The following PEAK1 variants were observed in gnomAD, a reference collection of about 807,000 sequenced individuals.
The protein encoded by PEAK1 is pseudopodium enriched atypical kinase 1.
A neutral mutation model predicts 124.7 loss-of-function variants in PEAK1; 54 were observed. The observed-to-expected ratio is 0.43, with a 90% CI of 0.35 to 0.54. The LOEUF is 0.54. PEAK1 is among the 20% of genes least tolerant of loss of function. The probability of loss-of-function intolerance (pLI) is 0.01; values close to 1 mark genes in which losing one functional copy is unlikely to be tolerated. For missense variants in PEAK1, 2,046 were observed against 2,134.5 expected, an observed-to-expected ratio of 0.96 and a Z score of 0.82; for synonymous variants, 719 against 760.0, an observed-to-expected ratio of 0.95 and a Z score of 0.89.
At chr15:77,327,665 T>G (rs544198645) in intron 2 of PEAK1, among the ~76,000 whole-genome samples, 8 of 152,180 alleles carry the variant, frequency 5.3e-5, no homozygotes, top group Middle Eastern at 6.8e-3. Flanking sequence ...TGTTGTTGTT[T>G]TTTTAACGTG....
chr15:77,320,847 C>T (rs920025058), intron 2 of PEAK1, among the ~76,000 whole-genome samples: 1 of 151,626 alleles, frequency 6.6e-6, no homozygotes, highest in Non-Finnish European at 1.5e-5. Context: ...GTGTGATGTC[C>T]CCCTTCCTGT....
At position 77,298,197 on chromosome 15, in the gene PEAK1, A is replaced by ATTTTTTTTTTTTTTTTTTTTTTTTTT. The variant is rs749000554; in HGVS notation, c.-602-11719_-602-11694dup. ...TAGCTTCTTTTGTTTGGTATCCTTA[A>ATTTTTTTTTTTTTTTTTTTTTTTTTT]TTTTTTTTTTTTTTTTTTTTTTTTT... On this transcript the variant is annotated intron_variant, in intron 2 of 9. Coordinates refer to ENST00000682557, the MANE Select transcript of PEAK1 (RefSeq NM_001385026.1). 3.2e-4 allele frequency among the ~76,000 whole-genome samples: 12 copies of ATTTTTTTTTTTTTTTTTTTTTTTTTT among 37,822 alleles called. 4 individuals are homozygous for ATTTTTTTTTTTTTTTTTTTTTTTTTT. Among genetic ancestry groups the ATTTTTTTTTTTTTTTTTTTTTTTTTT allele is most frequent in the African/African-American group, 8.1e-4 (6 of 7,414 alleles). The allele number at this position is 37,822 out of a possible 152,430, so 24.8% of individuals were successfully genotyped here.
intron 2 of PEAK1, among the ~76,000 whole-genome samples, chr15:77,293,069 A>G (rs1382773710): frequency 6.6e-6 from 1 of 152,184 alleles, no homozygotes; most frequent in African/African-American, 2.4e-5. Context: ...AAGTCATTCT[A>G]TGACTATCTC....
At chr15:77,226,098 A>G (rs936717179) in intron 6 of PEAK1, among the ~76,000 whole-genome samples, 1 of 132,894 alleles carries the variant, frequency 7.5e-6, no homozygotes, top group Non-Finnish European at 1.7e-5. Context: ...TTACACACAC[A>G]TACACACATA....
intron 8 of PEAK1, among the ~76,000 whole-genome samples, chr15:77,153,695 C>T (rs1259643341): frequency 4.6e-5 from 7 of 152,132 alleles, no homozygotes; most frequent in African/African-American, 1.7e-4. Context: ...TCTTTGTTCT[C>T]ATTGGTTTCA....
chr15:77,227,425 A>AT (rs1195511102), intron 6 of PEAK1, among the ~76,000 whole-genome samples: 3 of 152,148 alleles, frequency 2.0e-5, no homozygotes, highest in East Asian at 3.8e-4. Flanking sequence ...AACAACATAC[A>AT]GACAGGAAAA....
chr15:77,139,555 G>A (rs2053605930), intron 8 of PEAK1, among the ~76,000 whole-genome samples: 1 of 152,110 alleles, frequency 6.6e-6, no homozygotes, highest in Non-Finnish European at 1.5e-5. Context: ...GAGTTTTTCA[G>A]CTCCATCATA....
intron 2 of PEAK1, among the ~76,000 whole-genome samples, chr15:77,340,250 G>A (rs947649515): frequency 6.6e-6 from 1 of 152,184 alleles, no homozygotes; most frequent in Non-Finnish European, 1.5e-5. Context: ...TATGGATAAA[G>A]TGTATTAAGT....
At chr15:77,141,218 T>C (rs2053760286) in intron 8 of PEAK1, among the ~76,000 whole-genome samples, 3 of 152,076 alleles carry the variant, frequency 2.0e-5, no homozygotes, top group Admixed American at 2.0e-4. Context: ...AAGATCAACA[T>C]ACAAAAACCA....
rs1229894759 is a variant in PEAK1, at chr15:77,334,246, T to G, written c.-603+30917A>C. 3 of 984,604 alleles carry G rather than the reference T, an allele frequency of 3.0e-6. No individual in the cohort carries two copies. The African/African-American group carries it at 5.2e-5, about 17-fold the overall frequency. The allele number at this position is 984,604 out of a possible 1,614,324, so 61.0% of individuals were successfully genotyped here. On this transcript the variant is annotated intron_variant, in intron 2 of 9. Coordinates refer to ENST00000682557, the MANE Select transcript of PEAK1 (RefSeq NM_001385026.1). ...CACATAATTTTAGTTCAAATAGGCTTTCAGGTAATTTTCCTAGATTTTCTG... is the reference window on the plus strand; with the variant it reads ...CACATAATTTTAGTTCAAATAGGCTGTCAGGTAATTTTCCTAGATTTTCTG...
At chr15:77,333,717 G>T in intron 2 of PEAK1, 1 of 968,198 alleles carries the variant, frequency 1.0e-6, no homozygotes, top group Non-Finnish European at 1.2e-6. Context: ...AATTGAAATG[G>T]CTTCACTATC....
At chr15:77,256,783 A>C (rs1054546859) in intron 5 of PEAK1, among the ~76,000 whole-genome samples, 6 of 152,024 alleles carry the variant, frequency 3.9e-5, no homozygotes, top group African/African-American at 1.4e-4. Context: ...TGTGCAGGTT[A>C]CTTACATATG....
chr15:77,185,945 C>T (rs1481370292), intron 6 of PEAK1, among the ~76,000 whole-genome samples: 1 of 152,158 alleles, frequency 6.6e-6, no homozygotes, highest in Admixed American at 6.5e-5. Flanking sequence ...TAAGGACACA[C>T]AGTAAATAAG....
At position 77,195,680 on chromosome 15, in the gene PEAK1, T is replaced by C. The variant is rs1036593664; in HGVS notation, c.-114-13640A>G. On this transcript the variant is annotated intron_variant, in intron 6 of 9. Coordinates refer to ENST00000682557, the MANE Select transcript of PEAK1 (RefSeq NM_001385026.1). Reference sequence around the variant, plus strand: ...ATACTTTATACCAAAACCATTCAGTTAAAAGGATTTTAATTGGTGTGCACC... The same window carrying C: ...ATACTTTATACCAAAACCATTCAGTCAAAAGGATTTTAATTGGTGTGCACC... 2.6e-5 allele frequency among the ~76,000 whole-genome samples: 4 copies of C among 152,200 alleles called. No homozygotes were observed. The East Asian group carries it at 7.7e-4, about 29-fold the overall frequency.
At chr15:77,200,456 C>T (rs1367145049) in intron 6 of PEAK1, among the ~76,000 whole-genome samples, 1 of 152,104 alleles carries the variant, frequency 6.6e-6, no homozygotes, top group Non-Finnish European at 1.5e-5. Context: ...ACTGTACATT[C>T]TAAAATTCAC....
intron 2 of PEAK1, among the ~76,000 whole-genome samples, chr15:77,294,142 C>T (rs979531595): frequency 2.0e-5 from 3 of 152,148 alleles, no homozygotes; most frequent in African/African-American, 7.2e-5. Flanking sequence ...TCCATATCTG[C>T]TGGATAAGAC....
chr15:77,313,692 G>GTGTGTGTGTGTGTGTA lies in PEAK1; in HGVS notation c.-602-27189_-602-27188insTACACACACACACACA, dbSNP rs34603921. On this transcript the variant is annotated intron_variant, in intron 2 of 9. Transcript: ENST00000682557. ...TGTGTGTGTGTGTGTGTGTGTGTGT[G>GTGTGTGTGTGTGTGTA]TATATATATATATGTATGTGTGTGT... Among the ~76,000 whole-genome samples, 25 of 98,798 alleles carry GTGTGTGTGTGTGTGTA rather than the reference G, an allele frequency of 2.5e-4. 1 individual carries two copies. Among genetic ancestry groups the GTGTGTGTGTGTGTGTA allele is most frequent in the African/African-American group, 7.0e-4 (17 of 24,132 alleles). 64.8% of individuals were successfully genotyped at this position (98,798 alleles called of 152,430 possible).
chr15:77,121,320 C>T (rs958457517), intron 9 of PEAK1, among the ~76,000 whole-genome samples: 3 of 152,140 alleles, frequency 2.0e-5, no homozygotes, highest in Admixed American at 6.5e-5. Context: ...GTACTTGCTC[C>T]ATATGTCTGT....
chr15:77,277,413 CAT>C (rs753689581), intron 5 of PEAK1, among the ~76,000 whole-genome samples: 6 of 152,220 alleles, frequency 3.9e-5, no homozygotes, highest in South Asian at 2.1e-4. Context: ...TGAATCTACA[CAT>C]GTGATAAAAT....
Sources: gnomAD v4.1 joint callset for allele counts (sites outside exome capture counted in the v4.1 genomes callset) on GRCh38, gnomAD v4.1.1 for gene constraint, MANE v1.5 for transcripts, NCBI Gene and HGNC (gene_info 2026-07-23, HGNC 2026-07-21) for gene names.